FBLN1: variants seen among roughly 807,000 people sequenced by gnomAD.
The protein encoded by FBLN1 is fibulin 1.
Under a neutral mutation model 89.7 loss-of-function variants are expected in FBLN1, and 34 were observed. The ratio of observed to expected loss-of-function variants is 0.38; its 90% CI spans 0.29 to 0.50. The LOEUF is 0.50. Among genes scored for constraint, FBLN1 ranks in the 20% least tolerant of loss-of-function variants. FBLN1 has a pLI of 0.92. For missense variants in FBLN1, 777 were observed against 988.1 expected (o/e 0.79, Z 2.86); for synonymous variants, 393 against 391.3 (o/e 1.00, Z -0.05).
chr22:45,598,734 CAT>C (rs1387008868), intron 16 of FBLN1, among the ~76,000 whole-genome samples: 7 of 152,236 alleles, frequency 4.6e-5, no homozygotes, highest in South Asian at 2.1e-4. Context: ...CTGTTTAGCA[CAT>C]GTGTGCATGC....
At position 45,502,885 on chromosome 22, in the gene FBLN1, T is replaced by C. The variant is rs2087962386; in HGVS notation, c.-101T>C. 2.7e-6 allele frequency: 1 copy of C among 377,272 alleles called. No homozygotes were observed. Among genetic ancestry groups the C allele is most frequent in the Non-Finnish European group, 3.7e-6 (1 of 268,924 alleles). 23.4% of individuals were successfully genotyped at this position (377,272 alleles called of 1,614,324 possible). ...GAACGGCGCGGCCCTGGCCCAGCGT[T>C]GGCTGCCGAGGCTCGGCCGGAGCGT... On this transcript the variant is annotated 5_prime_UTR_variant, in exon 1 of 17. Transcript: ENST00000327858.
chr22:45,548,566 G>C, intron 12 of FBLN1, 47 bp from the exon 13 acceptor site: 1 of 1,611,772 alleles, frequency 6.2e-7, no homozygotes, highest in East Asian at 2.2e-5. Context: ...CAGCAGCCAT[G>C]GCCAGGTGCC....
In FBLN1 at chr22:45,545,460, T is replaced by C. The variant is rs998291569; in HGVS notation, c.1322-1625T>C. Among the ~76,000 whole-genome samples, 1 of 152,198 alleles carries C rather than the reference T, an allele frequency of 6.6e-6. No homozygotes were observed. The highest frequency in any genetic ancestry group is 2.4e-5 in the African/African-American group (1 of 41,432). On this transcript the variant is annotated intron_variant, in intron 11 of 16. Transcript: ENST00000327858. This position sits in a 1 kb window ranked among gnomAD's most constrained non-coding sequence, Gnocchi z 5.9. ...TATTATTTAGTAGAAGTAGTGGGAT[T>C]CCTGGCTTGTGCTTCCTCTAGTCAT...
intron 1 of FBLN1, among the ~76,000 whole-genome samples, chr22:45,514,439 T>C (rs2088142530): frequency 6.6e-6 from 1 of 152,156 alleles, no homozygotes; most frequent in East Asian, 1.9e-4. Flanking sequence ...GAGGCACATC[T>C]CCAAGGCTAA....
rs1388550577 is a variant in FBLN1 at position 45,532,934 on chromosome 22, G to C, written c.545-129G>C. On this transcript the variant is annotated intron_variant, in intron 5 of 16. Coordinates refer to ENST00000327858, the MANE Select transcript of FBLN1 (RefSeq NM_006486.3). This position sits in a 1 kb window ranked among gnomAD's most constrained non-coding sequence, Gnocchi z 4.2. ...CCAGTAGGGCAGCAGGTGGGCTCCA[G>C]CCAGGTCAGCCTGCCTTCCTGGGTT... 1.2e-5 allele frequency: 10 copies of C among 802,958 alleles called. No individual in the cohort carries two copies. In the East Asian group the frequency reaches 2.4e-4, roughly 19 times the overall value. The allele number at this position is 802,958 out of a possible 1,614,324, so 49.7% of individuals were successfully genotyped here. A position where few individuals can be genotyped will look rare whatever the true frequency, so the allele number is the denominator to read the frequency against.
At chr22:45,596,697 T>C (rs1204809223) in intron 16 of FBLN1, among the ~76,000 whole-genome samples, 1 of 126,634 alleles carries the variant, frequency 7.9e-6, no homozygotes, top group Non-Finnish European at 1.5e-5. Flanking sequence ...GATAATTATA[T>C]ATTTATCATG....
At chr22:45,585,110 TGAGA>T (rs146708801) in intron 16 of FBLN1, among the ~76,000 whole-genome samples, 9 of 151,956 alleles carry the variant, frequency 5.9e-5, no homozygotes, top group African/African-American at 2.2e-4. Context: ...AGTTCATGTC[TGAGA>T]GAGAGAGAGA....
chr22:45,561,286 C>G lies in FBLN1; in HGVS notation c.1697+10671C>G, dbSNP rs949696921. On this transcript the variant is annotated intron_variant, in intron 14 of 16. Coordinates refer to ENST00000327858, the MANE Select transcript of FBLN1 (RefSeq NM_006486.3). The surrounding 1 kb of genome is among the most constrained non-coding windows in gnomAD (Gnocchi z 4.7). Reference sequence around the variant, plus strand: ...AGATAAGACTCTCACTCAGGGCAATCTTAGCAGATTTGAGGCTCAGTATCT... The same window carrying G: ...AGATAAGACTCTCACTCAGGGCAATGTTAGCAGATTTGAGGCTCAGTATCT... Among the ~76,000 whole-genome samples, 6 of 152,218 alleles carry G rather than the reference C, an allele frequency of 3.9e-5. No individual in the cohort carries two copies. Among genetic ancestry groups the G allele is most frequent in the Admixed American group, 2.0e-4 (3 of 15,282 alleles).
intron 1 of FBLN1, chr22:45,503,327 A>C: frequency 4.0e-6 from 1 of 249,908 alleles, no homozygotes; most frequent in Non-Finnish European, 7.6e-6. Context: ...AGTCCTAGCA[A>C]ATCCAGCCGG....
intron 14 of FBLN1, among the ~76,000 whole-genome samples, chr22:45,554,221 G>A (rs988423569): frequency 6.6e-6 from 1 of 151,988 alleles, no homozygotes; most frequent in Non-Finnish European, 1.5e-5. Context: ...CCCTGCACCC[G>A]GAAGCGCAGT....
chr22:45,515,234 G>T (rs993908960), intron 1 of FBLN1, among the ~76,000 whole-genome samples: 1 of 152,070 alleles, frequency 6.6e-6, no homozygotes. Context: ...CTGCCTCGTC[G>T]CCATCCAGCC....
intron 12 of FBLN1, among the ~76,000 whole-genome samples, chr22:45,547,482 G>A (rs1417733034): frequency 7.2e-6 from 1 of 138,998 alleles, no homozygotes; most frequent in African/African-American, 2.7e-5. Context: ...TGCAGCCTCA[G>A]CTTCCCAGGC....
At position 45,577,047 on chromosome 22, in the gene FBLN1, G is replaced by A. The variant is rs769526686; in HGVS notation, c.1911G>A (p.Thr637=). Residue 637 remains threonine (T), a synonymous_variant, in exon 16 of 17, where the codon ACG becomes ACA. Transcript: ENST00000327858. This position sits in a 1 kb window ranked among gnomAD's most constrained non-coding sequence, Gnocchi z 6.6. ...AGGCTAACATCATCTTCGACATCAC[G>A]GAAGGGAACCTGCGGGACTCTTTTG... is the stretch of plus-strand genomic sequence containing the variant. ...ASQANIIFDI[T]EGNLRDSFDI... 8.7e-6 allele frequency: 14 copies of A among 1,614,142 alleles called. No individual in the cohort carries two copies. Among genetic ancestry groups the A allele is most frequent in the Middle Eastern group, 1.6e-4 (1 of 6,062 alleles).
Position 45,557,323 on chromosome 22 carries a change from C to T in FBLN1, c.1697+6708C>T, listed in dbSNP as rs150660063. ...CCATATCCAGAGTAAGTGTCTATTC[C>T]GGTGAGGACAAACCTCTGCCATTTC... On this transcript the variant is annotated intron_variant, in intron 14 of 16. Transcript: ENST00000327858. The surrounding 1 kb of genome is among the most constrained non-coding windows in gnomAD (Gnocchi z 4.9). Among the ~76,000 whole-genome samples, 122 of 152,288 alleles carry T rather than the reference C, an allele frequency of 8.0e-4. 2 individuals carry two copies. In the Middle Eastern group the frequency reaches 0.014, roughly 17 times the overall value.
intron 14 of FBLN1, among the ~76,000 whole-genome samples, chr22:45,569,697 C>T (rs1294022413): frequency 3.3e-5 from 5 of 150,970 alleles, no homozygotes; most frequent in Non-Finnish European, 5.9e-5. Context: ...AGGAAACAGA[C>T]ATGCACAGAG....
intron 14 of FBLN1, among the ~76,000 whole-genome samples, chr22:45,551,978 G>C (rs2088708723): frequency 6.6e-6 from 1 of 152,256 alleles, no homozygotes; most frequent in Non-Finnish European, 1.5e-5. Flanking sequence ...TCCTAAGCCT[G>C]AGGGTGGGCG....
At chr22:45,540,292 G>T (rs136754) in intron 8 of FBLN1, among the ~76,000 whole-genome samples, 54,080 of 152,116 alleles carry the variant, frequency 0.36, 10,339 homozygotes, top group Middle Eastern at 0.51. Context: ...TAGTGATACC[G>T]GCCTCACCTC....
intron 14 of FBLN1, among the ~76,000 whole-genome samples, chr22:45,554,626 G>A (rs1228196246): frequency 1.3e-5 from 2 of 152,202 alleles, no homozygotes; most frequent in Non-Finnish European, 2.9e-5. Flanking sequence ...AACCCAGCAC[G>A]AGACATGGAA....
chr22:45,546,498 G>C (rs1185889622), intron 11 of FBLN1, among the ~76,000 whole-genome samples: 1 of 152,246 alleles, frequency 6.6e-6, no homozygotes, highest in Non-Finnish European at 1.5e-5. Context: ...ACAGGCATGA[G>C]CCACCATGCC....
Sources: gnomAD v4.1 joint callset for allele counts (sites outside exome capture counted in the v4.1 genomes callset) on GRCh38, gnomAD v4.1.1 for gene constraint, Gnocchi (gnomAD v3.1) non-coding constraint, MANE v1.5 for transcripts, NCBI Gene and HGNC (gene_info 2026-07-23, HGNC 2026-07-21) for gene names.